Variants in TBC1D8 observed in about 807,000 individuals in gnomAD.
TBC1D8 encodes TBC1 domain family member 8.
A neutral mutation model predicts 118.8 loss-of-function variants in TBC1D8; 65 were observed. The observed-to-expected ratio is 0.55, with a 90% CI of 0.45 to 0.67. The LOEUF is 0.67. Ranked by LOEUF, TBC1D8 falls within the 30% of genes least tolerant of loss-of-function variation. The probability of loss-of-function intolerance (pLI) is 0.00; values close to 1 mark genes in which losing one functional copy is unlikely to be tolerated. For missense variants in TBC1D8, 1,376 were observed against 1,471.2 expected (o/e 0.94, Z 1.06); for synonymous variants, 566 against 595.8 (o/e 0.95, Z 0.73).
In TBC1D8 at chr2:101,007,872, A is replaced by AGTT. The variant is rs1205459409; in HGVS notation, c.3414_3416dup (p.Thr1139dup). 13 of 1,613,768 alleles carry AGTT rather than the reference A, an allele frequency of 8.1e-6. No individual in the cohort carries two copies. The South Asian group carries it at 1.4e-4, about 18-fold the overall frequency. The stretch of plus-strand genomic sequence containing the variant: ...ATTGTGATTGGTGGCTCATTTCAAA[A>AGTT]GTTTTGAGATTGTACTGATTGATCT... On this transcript the variant is annotated inframe_insertion, in exon 20 of 20. Transcript: ENST00000409318.
intron 1 of TBC1D8, among the ~76,000 whole-genome samples, chr2:101,125,137 C>G (rs138258136): frequency 6.6e-6 from 1 of 152,172 alleles, no homozygotes; most frequent in Non-Finnish European, 1.5e-5. Context: ...GCCACTCCTC[C>G]GGCCAACATC....
At chr2:101,018,030 T>C in intron 17 of TBC1D8, 1 of 1,194,262 alleles carries the variant, frequency 8.4e-7, no homozygotes, top group Non-Finnish European at 1.2e-6. Flanking sequence ...ATTCTACATA[T>C]CAACCCCTTT....
intron 1 of TBC1D8, among the ~76,000 whole-genome samples, chr2:101,122,560 ATAGC>A (rs1678178797): frequency 6.6e-6 from 1 of 152,134 alleles, no homozygotes; most frequent in African/African-American, 2.4e-5. Flanking sequence ...TCTCATTTAA[ATAGC>A]TAGTTCATGA....
At chr2:101,014,432 T>C (rs1268031003) in intron 17 of TBC1D8, among the ~76,000 whole-genome samples, 1 of 152,240 alleles carries the variant, frequency 6.6e-6, no homozygotes, top group Non-Finnish European at 1.5e-5. Context: ...GAATCTAAAC[T>C]ACCATTTTTT....
intron 1 of TBC1D8, among the ~76,000 whole-genome samples, chr2:101,119,931 A>G (rs546350857): frequency 3.3e-4 from 50 of 152,298 alleles, no homozygotes; most frequent in African/African-American, 1.2e-3. Context: ...TGAAGATAAT[A>G]GTCTCTCCTG....
chr2:101,109,500 T>C (rs1677448855), intron 1 of TBC1D8, among the ~76,000 whole-genome samples: 2 of 152,212 alleles, frequency 1.3e-5, no homozygotes, highest in Non-Finnish European at 1.5e-5. Context: ...GGAAAAATGT[T>C]AATGCATGCT....
chr2:101,140,634 C>T (rs1679060701), intron 1 of TBC1D8, among the ~76,000 whole-genome samples: 1 of 152,136 alleles, frequency 6.6e-6, no homozygotes, highest in Non-Finnish European at 1.5e-5. Flanking sequence ...TCATGAGAAA[C>T]ACAAACAGTC....
At chr2:101,059,878 G>C (rs1682663690) in intron 2 of TBC1D8, among the ~76,000 whole-genome samples, 1 of 152,178 alleles carries the variant, frequency 6.6e-6, no homozygotes, top group Non-Finnish European at 1.5e-5. Context: ...GGCGGAGCTT[G>C]CAGTGAGCCG....
At position 101,033,652 on chromosome 2, in the gene TBC1D8, G is replaced by A. The variant is rs372018110; in HGVS notation, c.1710C>T (p.His570=). ...LVTEEIERDL[H]RSLPEHPAFQ... is the part of the protein sequence containing the mutation. ...AGGCGGGGTGCTCTGGCAGGGAGCG[G>A]TGCAGGTCTCGTTCTATCTCCTCGG... is the stretch of plus-strand genomic sequence containing the variant. The change falls in exon 10 of 20, where the codon CAC becomes CAT. Residue 570 remains histidine, a synonymous_variant. Coordinates refer to ENST00000409318, the MANE Select transcript of TBC1D8 (RefSeq NM_001330348.2). 16 of 1,613,874 alleles carry A rather than the reference G, an allele frequency of 9.9e-6. No homozygotes were observed. Among genetic ancestry groups the A allele is most frequent in the African/African-American group, 2.7e-5 (2 of 74,912 alleles).
rs185839240 is a variant in TBC1D8, at chr2:101,085,863, C to A, written c.283+4346G>T. On this transcript the variant is annotated intron_variant, in intron 2 of 19. Coordinates refer to ENST00000409318, the MANE Select transcript of TBC1D8 (RefSeq NM_001330348.2). ...GGATCAAAACAACTTGACAACAGGC[C>A]GGGCGCGGCGGCTCACGCCTGTAAC... is the stretch of plus-strand genomic sequence containing the variant. Among the ~76,000 whole-genome samples, 6 of 152,256 alleles carry A rather than the reference C, an allele frequency of 3.9e-5. No homozygotes were observed. The East Asian group carries it at 1.2e-3, about 29-fold the overall frequency.
At chr2:101,090,492 T>G in intron 1 of TBC1D8, 128 bp from the exon 2 acceptor site, 1 of 977,688 alleles carries the variant, frequency 1.0e-6, no homozygotes, top group Non-Finnish European at 1.5e-6. Flanking sequence ...CATCCAGTTC[T>G]TCAACTCACC....
At chr2:101,088,893 G>A (rs1675819655) in intron 2 of TBC1D8, among the ~76,000 whole-genome samples, 1 of 151,958 alleles carries the variant, frequency 6.6e-6, no homozygotes, top group South Asian at 2.1e-4. Flanking sequence ...TACCGAGCAT[G>A]CATCATCTTT....
chr2:101,032,409 G>C, intron 10 of TBC1D8, 24 bp from the exon 11 acceptor site: 1 of 1,592,644 alleles, frequency 6.3e-7, no homozygotes, highest in Non-Finnish European at 8.6e-7. Context: ...AAGGAGGGCA[G>C]TTACTGACTG....
rs144513687 is a variant in TBC1D8, at chr2:101,125,631, G to C, written c.127+25496C>G. Among the ~76,000 whole-genome samples the C allele has an allele frequency of 2.8e-3, 420 of 152,286 alleles. 3 individuals carry two copies. Among genetic ancestry groups the C allele is most frequent in the Non-Finnish European group, 1.7e-3 (115 of 68,026 alleles). On this transcript the variant is annotated intron_variant, in intron 1 of 19. Transcript: ENST00000409318. ...CAAGATCAGAAATAACGCATGTTAGGCAATGTTTCCTGTCTTTTTACACTT... is the reference window on the plus strand; with the variant it reads ...CAAGATCAGAAATAACGCATGTTAGCCAATGTTTCCTGTCTTTTTACACTT...
intron 11 of TBC1D8, among the ~76,000 whole-genome samples, chr2:101,031,030 G>A (rs1304152107): frequency 6.7e-6 from 1 of 149,592 alleles, no homozygotes; most frequent in Non-Finnish European, 1.5e-5. Context: ...TGTTCCAATG[G>A]TCCCCTCCTG....
intron 19 of TBC1D8, among the ~76,000 whole-genome samples, chr2:101,008,812 A>T (rs879438679): frequency 4.5e-4 from 39 of 87,208 alleles, no homozygotes; most frequent in Non-Finnish European, 7.7e-4. Flanking sequence ...ACTTTGTCTT[A>T]AAAAAAAAAA....
Position 101,048,739 on chromosome 2 carries a change from TTA to T in TBC1D8, c.872+1660_872+1661del, listed in dbSNP as rs1553406611. On this transcript the variant is annotated intron_variant, in intron 5 of 19. Transcript: ENST00000409318. ...TGGATTTCAAGAATAATAAGTCTTT[TTA>T]AAAAAAAAAAAAACACTATATTATT... Among the ~76,000 whole-genome samples, 489 of 150,436 alleles carry T rather than the reference TTA, an allele frequency of 3.3e-3. 2 individuals carry two copies. Among genetic ancestry groups the T allele is most frequent in the African/African-American group, 0.012 (466 of 40,492 alleles).
chr2:101,008,031 C>T lies in TBC1D8; in HGVS notation c.3258G>A (p.Gln1086=), dbSNP rs752783817. 8 of 1,613,844 alleles carry T rather than the reference C, an allele frequency of 5.0e-6. No individual in the cohort carries two copies. Among genetic ancestry groups the T allele is most frequent in the Admixed American group, 1.7e-5 (1 of 59,994 alleles). Residue 1086 remains glutamine, a synonymous_variant, in exon 20 of 20, where the codon CAG becomes CAA. Transcript: ENST00000409318. ...ADTGKTPQDS[Q]AFPEAAERDW... is the part of the protein sequence containing the mutation. ...CCCTTTCTGCCGCCTCTGGAAATGC[C>T]TGGGAGTCCTGGGGCGTCTTCCCAG... is the stretch of plus-strand genomic sequence containing the variant.
chr2:101,124,865 T>A (rs567175905), intron 1 of TBC1D8, among the ~76,000 whole-genome samples: 1 of 152,296 alleles, frequency 6.6e-6, no homozygotes, highest in East Asian at 1.9e-4. Context: ...TCTGGAGACG[T>A]GATAGGGCTT....
Sources: allele counts gnomAD v4.1 joint callset (sites outside exome capture counted in the v4.1 genomes callset), GRCh38; gene constraint gnomAD v4.1.1; transcripts MANE v1.5; gene names NCBI Gene and HGNC (gene_info 2026-07-23, HGNC 2026-07-21).